The following GJC1 variants were observed in gnomAD, a reference collection of about 807,000 sequenced individuals.
The protein encoded by GJC1 is gap junction gamma-1 protein.
A neutral mutation model predicts 29.3 loss-of-function variants in GJC1; 5 were observed. The observed-to-expected ratio is 0.17, with a 90% CI of 0.09 to 0.36. The LOEUF (loss-of-function observed/expected upper bound fraction) is 0.36. GJC1 is among the 10% of genes least tolerant of loss of function. The probability of loss-of-function intolerance (pLI) is 1.00; values close to 1 mark genes in which losing one functional copy is unlikely to be tolerated. For missense variants in GJC1, 310 were observed against 496.2 expected, an observed-to-expected ratio of 0.62 and a Z score of 3.56; for synonymous variants, 177 against 183.3, an observed-to-expected ratio of 0.97 and a Z score of 0.28.
At chr17:44,808,095 C>T (rs1416423266) in intron 1 of GJC1, among the ~76,000 whole-genome samples, 1 of 152,154 alleles carries the variant, frequency 6.6e-6, no homozygotes, top group Non-Finnish European at 1.5e-5. Context: ...TCTGGCAACT[C>T]TGCATAGCTC....
At chr17:44,797,371 G>C (rs2049790429), downstream of GJC1, among the ~76,000 whole-genome samples, 1 of 152,176 alleles carries the variant, frequency 6.6e-6, no homozygotes, top group Non-Finnish European at 1.5e-5. Flanking sequence ...CTAGGAATCT[G>C]TATGTTAATA....
rs138440006 is a variant in GJC1 at position 44,804,891 on chromosome 17, G to A, written c.927C>T (p.Ile309=). 24 of 1,614,020 alleles carry A rather than the reference G, an allele frequency of 1.5e-5. No homozygotes were observed. Among genetic ancestry groups the A allele is most frequent in the Middle Eastern group, 1.6e-4 (1 of 6,084 alleles). ...TGTTGGCCTTGTTTTGCTTGTAGGC[G>A]ATCTTAGCATTGGACAGTTCGGTGT... The part of the protein sequence containing the change: ...IQYTELSNAK[I]AYKQNKANTA... Residue 309 remains isoleucine (I), a synonymous_variant, in exon 3 of 3, where the codon ATC becomes ATT. Transcript: ENST00000592524.
At chr17:44,812,212 T>C (rs2049990837) in intron 1 of GJC1, among the ~76,000 whole-genome samples, 1 of 149,764 alleles carries the variant, frequency 6.7e-6, no homozygotes, top group East Asian at 2.0e-4. Flanking sequence ...TACTCAGGAC[T>C]ACAAGCTGAG....
chr17:44,824,359 T>C (rs2050145592), intron 1 of GJC1, among the ~76,000 whole-genome samples: 2 of 152,036 alleles, frequency 1.3e-5, no homozygotes, highest in Non-Finnish European at 1.5e-5. Context: ...GAGTGCATGG[T>C]GTGATCACAA....
At chr17:44,829,261 A>G (rs2050204998) in intron 1 of GJC1, among the ~76,000 whole-genome samples, 1 of 152,126 alleles carries the variant, frequency 6.6e-6, no homozygotes, top group Non-Finnish European at 1.5e-5. Context: ...TAAACCATAC[A>G]TTCACGTACA....
chr17:44,825,829 T>C (rs757971058), intron 1 of GJC1, among the ~76,000 whole-genome samples: 1 of 151,936 alleles, frequency 6.6e-6, no homozygotes, highest in Non-Finnish European at 1.5e-5. Flanking sequence ...AATGCTTTTG[T>C]CCAAATTGTG....
intron 1 of GJC1, chr17:44,829,788 G>C (rs2050211230): frequency 6.6e-6 from 1 of 152,018 alleles, no homozygotes; most frequent in South Asian, 2.1e-4. Context: ...CCCCCGAGCC[G>C]TTTCCCTCCC....
intron 1 of GJC1, among the ~76,000 whole-genome samples, chr17:44,815,158 C>A (rs2050028332): frequency 6.6e-6 from 1 of 151,986 alleles, no homozygotes; most frequent in Admixed American, 6.6e-5. Context: ...ACCTCAATGT[C>A]TTTTGCTAAT....
upstream of GJC1, among the ~76,000 whole-genome samples, chr17:44,831,019 G>A (rs1428911034): frequency 6.6e-6 from 1 of 152,198 alleles, no homozygotes; most frequent in Non-Finnish European, 1.5e-5. Flanking sequence ...GGGTAATAAA[G>A]GAAGGCTCAG....
intron 1 of GJC1, among the ~76,000 whole-genome samples, chr17:44,811,392 T>TC (rs1555558138): frequency 1.4e-5 from 2 of 146,910 alleles, no homozygotes; most frequent in Non-Finnish European, 3.0e-5. Context: ...TTTTTTCTTT[T>TC]TTTTTTTTTT....
intron 1 of GJC1, among the ~76,000 whole-genome samples, chr17:44,823,954 G>GC (rs1356668231): frequency 6.6e-6 from 1 of 151,106 alleles, no homozygotes; most frequent in African/African-American, 2.4e-5. Flanking sequence ...CTCATGACCT[G>GC]CCCACCTCGG....
chr17:44,807,737 T>G (rs903630498), intron 1 of GJC1: 3 of 152,118 alleles, frequency 2.0e-5, no homozygotes, highest in African/African-American at 7.2e-5. Flanking sequence ...AGTAAAAATA[T>G]GAAGCAGATG....
intron 1 of GJC1, among the ~76,000 whole-genome samples, chr17:44,819,291 G>C (rs2050078622): frequency 6.6e-6 from 1 of 152,054 alleles, no homozygotes; most frequent in South Asian, 2.1e-4. Flanking sequence ...TTATATATTT[G>C]TCTTTTTGTG....
Position 44,804,794 on chromosome 17 carries a change from T to C in GJC1, c.1024A>G (p.Ile342Val). The change falls in exon 3 of 3, where the codon ATC becomes GTC. Residue 342 changes from isoleucine to valine, a missense_variant. Transcript: ENST00000592524. ...TCCAAGCGTTCCTGAGCCATCCTGA[T>C]CTCCCGCTGCAGAGCCTCCAGGTCA... ...PADLEALQRE[I>V]RMAQERLDLA... 1 of 1,614,164 alleles carries C rather than the reference T, an allele frequency of 6.2e-7. No homozygotes were observed. The highest frequency in any genetic ancestry group is 8.5e-7 in the Non-Finnish European group (1 of 1,180,024).
At chr17:44,806,401 GTTTTTT>G (rs35152035) in intron 2 of GJC1, among the ~76,000 whole-genome samples, 2 of 122,138 alleles carry the variant, frequency 1.6e-5, no homozygotes, top group Non-Finnish European at 3.4e-5. Flanking sequence ...TCTTCTGTTT[GTTTTTT>G]TTTTTTTTTT....
intron 1 of GJC1, among the ~76,000 whole-genome samples, chr17:44,823,220 ACTCTGAAACC>A (rs2050131804): frequency 7.3e-6 from 1 of 137,542 alleles, no homozygotes; most frequent in Non-Finnish European, 1.6e-5. Flanking sequence ...ATCAAAACTT[ACTCTGAAACC>A]CTATGCATTT....
chr17:44,826,581 T>C (rs1050934997), intron 1 of GJC1, among the ~76,000 whole-genome samples: 2 of 152,106 alleles, frequency 1.3e-5, no homozygotes, highest in African/African-American at 2.4e-5. Context: ...ATCATATCCT[T>C]GTTTTAGGAA....
chr17:44,824,313 T>C (rs1179596214), intron 1 of GJC1, among the ~76,000 whole-genome samples: 1 of 152,012 alleles, frequency 6.6e-6, no homozygotes, highest in African/African-American at 2.4e-5. Context: ...GCCTCTTTTT[T>C]CAAATAGAGA....
Position 44,804,319 on chromosome 17 carries a change from T to C in GJC1, c.*308A>G. On this transcript the variant is annotated 3_prime_UTR_variant, in exon 3 of 3. Coordinates refer to ENST00000592524, the MANE Select transcript of GJC1 (RefSeq NM_005497.4). ...TCATACTAAAAAAAAAAAAGTACCA[T>C]AATACTGTACATACAAAAACTGTTC... 3.9e-6 allele frequency: 1 copy of C among 259,048 alleles called. No individual in the cohort carries two copies. The highest frequency in any genetic ancestry group is 7.3e-6 in the Non-Finnish European group (1 of 137,292). The allele number at this position is 259,048 out of a possible 1,614,324, so 16.0% of individuals were successfully genotyped here.
Sources: allele counts gnomAD v4.1 joint callset (sites outside exome capture counted in the v4.1 genomes callset), GRCh38; gene constraint gnomAD v4.1.1; transcripts MANE v1.5; gene names NCBI Gene and HGNC (gene_info 2026-07-23, HGNC 2026-07-21).